HCN1: variants seen among roughly 807,000 people sequenced by gnomAD.
HCN1 encodes potassium/sodium hyperpolarization-activated cyclic nucleotide-gated channel 1.
In HCN1, 13 loss-of-function variants were observed where a neutral mutation model predicts 78.9. The observed-to-expected ratio is 0.16, with a 90% confidence interval of 0.11 to 0.26. The LOEUF is 0.26. Ranked by LOEUF, HCN1 falls within the 10% of genes least tolerant of loss-of-function variation. HCN1 has a pLI of 1.00. For missense variants in HCN1, 810 were observed against 1,154.3 expected (o/e 0.70, Z 4.32); for synonymous variants, 552 against 455.5 (o/e 1.21, Z -2.70).
intron 2 of HCN1, among the ~76,000 whole-genome samples, chr5:45,627,148 C>T (rs917446206): frequency 6.6e-6 from 1 of 152,038 alleles, no homozygotes; most frequent in Non-Finnish European, 1.5e-5. Flanking sequence ...AATACAATTC[C>T]GTAATTCTGG....
Position 45,695,887 on chromosome 5 carries a change from GCCGCCA to G in HCN1, c.201_206del (p.Gly73_Gly74del), listed in dbSNP as rs1257729123. 16 of 1,447,518 alleles carry G rather than the reference GCCGCCA, an allele frequency of 1.1e-5. No individual in the cohort carries two copies. Among genetic ancestry groups the G allele is most frequent in the Middle Eastern group, 2.0e-4 (1 of 4,910 alleles). The allele number at this position is 1,447,518 out of a possible 1,614,324, so 89.7% of individuals were successfully genotyped here. On this transcript the variant is annotated inframe_deletion, in exon 1 of 8. Coordinates refer to ENST00000303230, the MANE Select transcript of HCN1 (RefSeq NM_021072.4). The stretch of plus-strand genomic sequence containing the variant: ...CCGGCTCCTCGCCGCCGCCGCCGCC[GCCGCCA>G]CCGCCGCCACCGCCGTCCACCTTGA...
chr5:45,593,326 T>TCC (rs1422667698), intron 2 of HCN1, among the ~76,000 whole-genome samples: 60 of 135,196 alleles, frequency 4.4e-4, no homozygotes, highest in African/African-American at 6.3e-4. Context: ...TCTCTCCCTC[T>TCC]CTCTCTCTCT....
chr5:45,486,249 C>T (rs575799206), intron 2 of HCN1, among the ~76,000 whole-genome samples: 24 of 152,114 alleles, frequency 1.6e-4, no homozygotes, highest in African/African-American at 4.6e-4. Context: ...CAAGATTTTG[C>T]GATAGGAGGA....
chr5:45,317,537 T>C (rs1213451849), intron 5 of HCN1, among the ~76,000 whole-genome samples: 1 of 152,030 alleles, frequency 6.6e-6, no homozygotes, highest in Non-Finnish European at 1.5e-5. Context: ...CCAAAAGCAA[T>C]GGCAACAAAA....
chr5:45,313,965 T>G (rs995957986), intron 5 of HCN1, among the ~76,000 whole-genome samples: 10 of 152,150 alleles, frequency 6.6e-5, no homozygotes, highest in Non-Finnish European at 1.5e-4. Flanking sequence ...CCAGGAGAAC[T>G]TCCCCAACCT....
chr5:45,319,711 T>G (rs187115268), intron 5 of HCN1, among the ~76,000 whole-genome samples: 1 of 151,850 alleles, frequency 6.6e-6, no homozygotes, highest in East Asian at 1.9e-4. Context: ...TTTTTTAGCT[T>G]TAGAACTTCC....
Position 45,539,919 on chromosome 5 carries a change from G to GAT in HCN1, c.850-77914_850-77913dup, listed in dbSNP as rs66934051. Among the ~76,000 whole-genome samples the GAT allele has an allele frequency of 4.4e-3, 552 of 125,978 alleles. 4 individuals are homozygous for GAT. The highest frequency in any genetic ancestry group is 0.014 in the African/African-American group (428 of 29,870). The allele number at this position is 125,978 out of a possible 152,430, so 82.6% of individuals were successfully genotyped here. A position where few individuals can be genotyped will look rare whatever the true frequency, so the allele number is the denominator to read the frequency against. Reference sequence around the variant, plus strand: ...GAAATCCCATTGTTTTAAATTGTGAGATATATATATATATATATATATATA... The same window carrying GAT: ...GAAATCCCATTGTTTTAAATTGTGAGATATATATATATATATATATATATATA... On this transcript the variant is annotated intron_variant, in intron 2 of 7. Transcript: ENST00000303230.
chr5:45,346,163 G>A (rs1746701309), intron 5 of HCN1, among the ~76,000 whole-genome samples: 1 of 152,152 alleles, frequency 6.6e-6, no homozygotes, highest in African/African-American at 2.4e-5. Context: ...CCATCCCCAT[G>A]ATTCAATTAC....
At chr5:45,539,968 T>C (rs1360253995) in intron 2 of HCN1, among the ~76,000 whole-genome samples, 8 of 142,890 alleles carry the variant, frequency 5.6e-5, no homozygotes, top group South Asian at 2.1e-4. Context: ...ATAAAATGTT[T>C]ATCATTGTCA....
chr5:45,348,744 G>C lies in HCN1; in HGVS notation c.1377+4356C>G, dbSNP rs187668443. On this transcript the variant is annotated intron_variant, in intron 5 of 7. Transcript: ENST00000303230. ...AATCCTAGTCTCTGATAAAACAGAC[G>C]TTAAACCAACAAAGATCAAAAGAGA... Among the ~76,000 whole-genome samples the C allele has an allele frequency of 9.1e-3, 1,380 of 152,160 alleles. 10 individuals carry two copies. Among genetic ancestry groups the C allele is most frequent in the Middle Eastern group, 0.017 (5 of 294 alleles).
chr5:45,413,489 A>T (rs749952906), intron 3 of HCN1, among the ~76,000 whole-genome samples: 4 of 152,040 alleles, frequency 2.6e-5, no homozygotes, highest in Non-Finnish European at 5.9e-5. Flanking sequence ...GATGATTCCA[A>T]TTATACATGC....
In HCN1 at chr5:45,325,198, G is replaced by C. The variant is rs113278386; in HGVS notation, c.1378-21359C>G. 6.5e-3 allele frequency among the ~76,000 whole-genome samples: 982 copies of C among 151,800 alleles called. 5 individuals carry two copies. Among genetic ancestry groups the C allele is most frequent in the African/African-American group, 0.023 (947 of 41,460 alleles). ...CTCTGTTATTATTTAGAGGAAGACA[G>C]CACCTCTGCGGACTCATTTATGGTA... is the stretch of plus-strand genomic sequence containing the variant. On this transcript the variant is annotated intron_variant, in intron 5 of 7. Transcript: ENST00000303230.
At chr5:45,364,597 G>A (rs140345396) in intron 4 of HCN1, among the ~76,000 whole-genome samples, 9 of 152,078 alleles carry the variant, frequency 5.9e-5, no homozygotes, top group African/African-American at 1.7e-4. Flanking sequence ...CTGCAGCCTA[G>A]GCTACAGACT....
At chr5:45,377,395 C>A (rs1747705174) in intron 4 of HCN1, among the ~76,000 whole-genome samples, 1 of 151,866 alleles carries the variant, frequency 6.6e-6, no homozygotes, top group Non-Finnish European at 1.5e-5. Context: ...ATAATCAAAA[C>A]AAATGTGTTT....
intron 1 of HCN1, among the ~76,000 whole-genome samples, chr5:45,658,859 C>T (rs1426412611): frequency 2.7e-5 from 4 of 150,324 alleles, no homozygotes; most frequent in Non-Finnish European, 5.9e-5. Context: ...AACTGCAAGG[C>T]GGCAACGAGG....
intron 3 of HCN1, among the ~76,000 whole-genome samples, chr5:45,451,503 G>C (rs556896048): frequency 6.6e-6 from 1 of 152,012 alleles, no homozygotes; most frequent in East Asian, 1.9e-4. Flanking sequence ...TGATAACTCA[G>C]TCGAGGACAG....
intron 4 of HCN1, among the ~76,000 whole-genome samples, chr5:45,354,049 CAG>C (rs144134719): frequency 2.3e-4 from 34 of 149,308 alleles, no homozygotes; most frequent in Non-Finnish European, 2.2e-4. Flanking sequence ...CACACACACC[CAG>C]AGAGAGAGAG....
At chr5:45,556,916 T>C (rs1486140678) in intron 2 of HCN1, among the ~76,000 whole-genome samples, 2 of 152,022 alleles carry the variant, frequency 1.3e-5, no homozygotes, top group African/African-American at 4.8e-5. Flanking sequence ...TATTGACACC[T>C]GAAATATCAC....
At chr5:45,504,795 A>G (rs933725492) in intron 2 of HCN1, among the ~76,000 whole-genome samples, 2 of 152,114 alleles carry the variant, frequency 1.3e-5, no homozygotes, top group Non-Finnish European at 2.9e-5. Context: ...TGTCATTCCA[A>G]TTGGTGTGAG....
Sources: allele counts gnomAD v4.1 joint callset (sites outside exome capture counted in the v4.1 genomes callset), GRCh38; gene constraint gnomAD v4.1.1; transcripts MANE v1.5; gene names NCBI Gene and HGNC (gene_info 2026-07-23, HGNC 2026-07-21).